IQCB1: variants seen among roughly 807,000 people sequenced by gnomAD.
IQCB1 encodes the protein IQ calmodulin-binding motif-containing protein 1.
A neutral mutation model predicts 84.4 loss-of-function variants in IQCB1; 56 were observed. The ratio of observed to expected loss-of-function variants is 0.66; its 90% CI spans 0.54 to 0.83. IQCB1 has a LOEUF of 0.83. IQCB1 is among the 40% of genes least tolerant of loss of function. The probability of loss-of-function intolerance (pLI) is 0.00; values close to 1 mark genes in which losing one functional copy is unlikely to be tolerated. For missense variants in IQCB1, 629 were observed against 682.1 expected (o/e 0.92, Z 0.87); for synonymous variants, 210 against 234.8 (o/e 0.89, Z 0.96).
intron 13 of IQCB1, among the ~76,000 whole-genome samples, chr3:121,773,780 A>G (rs934101524): frequency 2.6e-5 from 4 of 152,160 alleles, no homozygotes; most frequent in Non-Finnish European, 4.4e-5. Context: ...AGACCTAAAC[A>G]TAAGAGCTAA....
rs1708207001 is a variant in IQCB1, at chr3:121,835,026, G to A, written c.-162C>T. 1 of 561,938 alleles carries A rather than the reference G, an allele frequency of 1.8e-6. No individual in the cohort carries two copies. Among genetic ancestry groups the A allele is most frequent in the Non-Finnish European group, 3.2e-6 (1 of 312,432 alleles). 34.8% of individuals were successfully genotyped at this position (561,938 alleles called of 1,614,324 possible). On this transcript the variant is annotated 5_prime_UTR_variant, in exon 1 of 15. Transcript: ENST00000310864. ...TGGGGCTCCCACGCCGCACTACAGC[G>A]CCGCGGCCTTCCGGGGCAGCGTGCG...
intron 5 of IQCB1, among the ~76,000 whole-genome samples, chr3:121,817,432 AAAAG>A (rs375311429): frequency 6.6e-6 from 1 of 151,742 alleles, no homozygotes; most frequent in African/African-American, 2.4e-5. Context: ...TAATAAAAAA[AAAAG>A]AAAAGAAAAG....
chr3:121,801,963 C>T (rs1019098081), intron 7 of IQCB1, among the ~76,000 whole-genome samples: 2 of 151,778 alleles, frequency 1.3e-5, no homozygotes, highest in African/African-American at 4.8e-5. Context: ...ATTAAACCAG[C>T]CCTGAATGCC....
intron 13 of IQCB1, among the ~76,000 whole-genome samples, chr3:121,780,934 C>T (rs1003688567): frequency 3.3e-5 from 5 of 152,002 alleles, no homozygotes; most frequent in Non-Finnish European, 5.9e-5. Flanking sequence ...ACCACAATCA[C>T]AACAAAACTC....
At chr3:121,821,236 G>C (rs1329797370) in intron 5 of IQCB1, among the ~76,000 whole-genome samples, 1 of 152,168 alleles carries the variant, frequency 6.6e-6, no homozygotes, top group Admixed American at 6.5e-5. Flanking sequence ...AAAGTGCTGG[G>C]ATTATACAGG....
chr3:121,790,302 C>G (rs1948914848), intron 10 of IQCB1, 87 bp from the exon 11 acceptor site: 1 of 1,251,360 alleles, frequency 8.0e-7, no homozygotes, highest in Admixed American at 1.9e-5. Context: ...TAAATGTAAA[C>G]AGAAAAAATT....
intron 5 of IQCB1, 106 bp downstream of exon 5, chr3:121,825,945 C>T (rs548274268): frequency 6.6e-6 from 7 of 1,065,680 alleles, no homozygotes; most frequent in Admixed American, 6.4e-5. Flanking sequence ...TTTAAATTCA[C>T]TACTTTAATT....
intron 14 of IQCB1, among the ~76,000 whole-genome samples, chr3:121,771,242 G>C (rs1947975199): frequency 6.6e-6 from 1 of 151,940 alleles, no homozygotes; most frequent in East Asian, 1.9e-4. Flanking sequence ...AAAATGTTGG[G>C]ATTACAGGCG....
intron 7 of IQCB1, 39 bp downstream of exon 7, chr3:121,807,305 T>TA (rs5852278): frequency 1.7e-4 from 166 of 969,052 alleles, no homozygotes; most frequent in South Asian, 2.6e-4. Flanking sequence ...ATGCTTCTGA[T>TA]AAAAAAAAAG....
At chr3:121,777,426 A>C (rs1948273665) in intron 13 of IQCB1, among the ~76,000 whole-genome samples, 1 of 152,232 alleles carries the variant, frequency 6.6e-6, no homozygotes, top group African/African-American at 2.4e-5. Flanking sequence ...AGCAATTTTA[A>C]TGCAATGGTA....
intron 7 of IQCB1, among the ~76,000 whole-genome samples, chr3:121,805,586 C>T (rs1022591580): frequency 1.3e-5 from 2 of 152,124 alleles, no homozygotes; most frequent in Admixed American, 6.5e-5. Flanking sequence ...TGGAATAGTG[C>T]TCATTCTAAT....
chr3:121,804,990 A>T (rs1423539725), intron 7 of IQCB1, among the ~76,000 whole-genome samples: 2 of 152,166 alleles, frequency 1.3e-5, no homozygotes, highest in African/African-American at 4.8e-5. Context: ...AATCCCATCC[A>T]GTGTATTTTT....
rs1341954502 is a variant in IQCB1, at chr3:121,807,454, A to AG, written c.488-12dup. The AG allele has an allele frequency of 8.2e-7, 1 of 1,221,522 alleles. No individual in the cohort carries two copies. The highest frequency in any genetic ancestry group is 1.2e-5 in the South Asian group (1 of 81,666). The allele number at this position is 1,221,522 out of a possible 1,614,324, so 75.7% of individuals were successfully genotyped here. On this transcript the variant is annotated splice_polypyrimidine_tract_variant and intron_variant, in intron 6 of 14. Coordinates refer to ENST00000310864, the MANE Select transcript of IQCB1 (RefSeq NM_001023570.4). Reference sequence around the variant, plus strand: ...GATCACTTTGTAGTACTAAAGGAAAAGAAAAAAAAAGAAAGATTAAAGTAA... The same window carrying AG: ...GATCACTTTGTAGTACTAAAGGAAAAGGAAAAAAAAAGAAAGATTAAAGTAA...
chr3:121,812,444 C>T (rs1234734787), intron 5 of IQCB1, among the ~76,000 whole-genome samples: 5 of 152,136 alleles, frequency 3.3e-5, no homozygotes, highest in East Asian at 1.9e-4. Flanking sequence ...CAAAAGTAGG[C>T]TTCGGAAGGT....
At chr3:121,786,170 C>CAAGAAGAAAAGAAAAG in intron 12 of IQCB1, among the ~76,000 whole-genome samples, 2 of 72,846 alleles carry the variant, frequency 2.7e-5, no homozygotes, top group Non-Finnish European at 5.1e-5. Context: ...GATTCTGTCT[C>CAAGAAGAAAAGAAAAG]AAAAGAAAAG....
intron 13 of IQCB1, among the ~76,000 whole-genome samples, chr3:121,774,772 C>G (rs1948153361): frequency 6.6e-6 from 1 of 152,104 alleles, no homozygotes; most frequent in Admixed American, 6.5e-5. Flanking sequence ...TTAAAGGATG[C>G]AGAGTTTCCA....
At chr3:121,826,241 G>C in intron 4 of IQCB1, 61 bp from the exon 5 acceptor site, 4 of 1,518,916 alleles carry the variant, frequency 2.6e-6, no homozygotes, top group Non-Finnish European at 3.6e-6. Context: ...CAAGCTTCTA[G>C]AGACACTGTG....
chr3:121,800,248 T>C (rs970104905), intron 7 of IQCB1, among the ~76,000 whole-genome samples: 1 of 151,942 alleles, frequency 6.6e-6, no homozygotes, highest in African/African-American at 2.4e-5. Flanking sequence ...ACTCCATAAA[T>C]CTATTTTCCT....
At chr3:121,828,823 A>G in intron 3 of IQCB1, 38 bp downstream of exon 3, 1 of 1,273,846 alleles carries the variant, frequency 7.9e-7, no homozygotes, top group Non-Finnish European at 1.1e-6. Context: ...ACCATTTTTC[A>G]CTTAAAATGC....
Sources: allele counts gnomAD v4.1 joint callset (sites outside exome capture counted in the v4.1 genomes callset), GRCh38; gene constraint gnomAD v4.1.1; transcripts MANE v1.5; gene names NCBI Gene and HGNC (gene_info 2026-07-23, HGNC 2026-07-21).